DOCK1: variants seen among roughly 807,000 people sequenced by gnomAD.
The protein encoded by DOCK1 is dedicator of cytokinesis 1.
In DOCK1, 138 loss-of-function variants were observed where a neutral mutation model predicts 262.7. That is an observed-to-expected ratio of 0.53 (90% CI 0.46 to 0.61). The LOEUF (loss-of-function observed/expected upper bound fraction) is 0.61. DOCK1 is among the 20% of genes least tolerant of loss of function. The probability of loss-of-function intolerance (pLI) is 0.00; values close to 1 mark genes in which losing one functional copy is unlikely to be tolerated. For missense variants in DOCK1, 1,908 were observed against 2,370.7 expected, an observed-to-expected ratio of 0.80 and a Z score of 4.05; for synonymous variants, 866 against 867.4, an observed-to-expected ratio of 1.00 and a Z score of 0.03.
rs146246277 is a variant in DOCK1, at chr10:127,351,697, G to A, written c.3225-2972G>A. Among the ~76,000 whole-genome samples the A allele has an allele frequency of 2.0e-3, 300 of 152,204 alleles. 1 individual carries two copies. Among genetic ancestry groups the A allele is most frequent in the African/African-American group, 7.1e-3 (295 of 41,516 alleles). On this transcript the variant is annotated intron_variant, in intron 31 of 51. Coordinates refer to ENST00000623213, the MANE Select transcript of DOCK1 (RefSeq NM_001290223.2). ...AGGCAATAAGCTTTATTAGCCCTACGCTCTCAATTATCCTTTTTTCCTCCT... is the reference window on the plus strand; with the variant it reads ...AGGCAATAAGCTTTATTAGCCCTACACTCTCAATTATCCTTTTTTCCTCCT...
chr10:127,229,245 A>G (rs958400168), intron 27 of DOCK1, among the ~76,000 whole-genome samples: 2 of 151,994 alleles, frequency 1.3e-5, no homozygotes, highest in Non-Finnish European at 2.9e-5. Context: ...AAACCAACCA[A>G]CCAAACAAAC....
Position 127,384,790 on chromosome 10 carries a change from T to C in DOCK1, c.3808T>C (p.Trp1270Arg), listed in dbSNP as rs1299687177. 1 of 1,573,434 alleles carries C rather than the reference T, an allele frequency of 6.4e-7. No homozygotes were observed. The highest frequency in any genetic ancestry group is 8.6e-7 in the Non-Finnish European group (1 of 1,164,968). Reference protein sequence around the residue: ...TLLLHAKLLKWSEDVCVAHLT... With the variant: ...TLLLHAKLLKRSEDVCVAHLT... The stretch of plus-strand genomic sequence containing the variant: ...CGCTCATGCTATGCTTCTCCCTTAG[T>C]GGTCGGAGGATGTGTGTGTGGCCCA... Residue 1270 changes from tryptophan to arginine, a missense_variant and splice_region_variant, in exon 38 of 52, where the codon TGG becomes CGG. Transcript: ENST00000623213.
Position 127,409,068 on chromosome 10 carries a change from A to G in DOCK1, c.4154A>G (p.Tyr1385Cys). ...GTTTTCATTTACCGAGGGAAAGAGT[A>G]TGAGCGCCGGGAAGATTTTGAGGCT... is the stretch of plus-strand genomic sequence containing the variant. Reference protein sequence around the residue: ...GKVFIYRGKEYERREDFEARL... With the variant: ...GKVFIYRGKECERREDFEARL... The change falls in exon 41 of 52, where the codon TAT becomes TGT. Residue 1385 changes from tyrosine to cysteine, a missense_variant. Tyr to Cys is a radical substitution (Grantham distance 194, BLOSUM62 -2). Around this residue, in one of 9 missense-constraint regions of DOCK1, gnomAD observed 267 missense variants for 366.3 expected, o/e 0.73. Transcript: ENST00000623213. 1.9e-6 allele frequency: 3 copies of G among 1,593,350 alleles called. No homozygotes were observed. The highest frequency in any genetic ancestry group is 2.6e-6 in the Non-Finnish European group (3 of 1,168,806).
chr10:127,050,822 G>A (rs1450815278), intron 21 of DOCK1, among the ~76,000 whole-genome samples: 1 of 151,918 alleles, frequency 6.6e-6, no homozygotes, highest in Non-Finnish European at 1.5e-5. Flanking sequence ...TAATGAAGTT[G>A]ATTAATATAT....
At chr10:127,387,078 G>A (rs895668968) in intron 38 of DOCK1, among the ~76,000 whole-genome samples, 4 of 152,198 alleles carry the variant, frequency 2.6e-5, no homozygotes, top group Non-Finnish European at 4.4e-5. Context: ...GGGTGGCCGG[G>A]AGGCCCGAGG....
In DOCK1 at chr10:127,024,704, C is replaced by T. The variant is rs374761788; in HGVS notation, c.1472C>T (p.Ala491Val). The change falls in exon 15 of 52, where the codon GCT (alanine) becomes GTT (valine). Residue 491 changes from alanine (A) to valine (V), a missense_variant. Ala to Val is a moderately conservative substitution (Grantham distance 64). Transcript: ENST00000623213. Reference protein sequence around the residue: ...KRLEHVIFPGAGDEAISEYKS... With the variant: ...KRLEHVIFPGVGDEAISEYKS... ...TTAAAGCATGTGATTTTCCCGGGTGCTGGTGATGAAGCGATTTCAGAGTAC... is the reference window on the plus strand; with the variant it reads ...TTAAAGCATGTGATTTTCCCGGGTGTTGGTGATGAAGCGATTTCAGAGTAC... 1.2e-5 allele frequency: 19 copies of T among 1,611,578 alleles called. No individual in the cohort carries two copies. The highest frequency in any genetic ancestry group is 5.3e-5 in the African/African-American group (4 of 74,860).
At chr10:127,060,982 A>C (rs1727916920) in intron 22 of DOCK1, among the ~76,000 whole-genome samples, 1 of 152,208 alleles carries the variant, frequency 6.6e-6, no homozygotes, top group African/African-American at 2.4e-5. Context: ...TAATCCCAGC[A>C]CTTTGGGAGG....
In DOCK1 at chr10:126,977,989, G is replaced by C. The variant is rs1565024344; in HGVS notation, c.171+1G>C. 6.2e-7 allele frequency: 1 copy of C among 1,613,670 alleles called. No individual in the cohort carries two copies. Among genetic ancestry groups the C allele is most frequent in the Non-Finnish European group, 8.5e-7 (1 of 1,179,788 alleles). Reference sequence around the variant, plus strand: ...CACGTTACGAAAAAAGTCTAAGAAGGTAAGTCCTTCTTCTTAAACACAGTG... The same window carrying C: ...CACGTTACGAAAAAAGTCTAAGAAGCTAAGTCCTTCTTCTTAAACACAGTG... On this transcript the variant is annotated splice_donor_variant, in intron 3 of 51. Coordinates refer to ENST00000623213, the MANE Select transcript of DOCK1 (RefSeq NM_001290223.2). LOFTEE classifies it high-confidence loss of function.
intron 47 of DOCK1, among the ~76,000 whole-genome samples, chr10:127,429,036 G>GATGCC (rs1398352759): frequency 7.0e-6 from 1 of 142,384 alleles, no homozygotes. Context: ...TGTGGATTGG[G>GATGCC]GTGTCATGTG....
Position 127,256,560 on chromosome 10 carries a change from G to A in DOCK1, c.2950-775G>A, listed in dbSNP as rs574536416. ...CACTTGTTTTGTTCAGGTTAGCTCA[G>A]AGCACCTGTCAAGCTCTGGAAAGTA... On this transcript the variant is annotated intron_variant, in intron 28 of 51. Transcript: ENST00000623213. Among the ~76,000 whole-genome samples, 7 of 152,210 alleles carry A rather than the reference G, an allele frequency of 4.6e-5. No homozygotes were observed. In the East Asian group the frequency reaches 1.2e-3, roughly 25 times the overall value.
intron 4 of DOCK1, among the ~76,000 whole-genome samples, chr10:126,985,446 T>A (rs1406874858): frequency 2.0e-5 from 3 of 152,140 alleles, no homozygotes; most frequent in Non-Finnish European, 4.4e-5. Context: ...TAATGCCAGC[T>A]GGCACATTAA....
At chr10:127,376,604 G>A (rs1025022818) in intron 35 of DOCK1, among the ~76,000 whole-genome samples, 1 of 152,202 alleles carries the variant, frequency 6.6e-6, no homozygotes, top group Non-Finnish European at 1.5e-5. Flanking sequence ...TGTGATTGAC[G>A]TGAAATAGGA....
intron 40 of DOCK1, among the ~76,000 whole-genome samples, chr10:127,408,497 C>T (rs988863461): frequency 4.6e-5 from 7 of 152,226 alleles, no homozygotes; most frequent in African/African-American, 1.2e-4. Flanking sequence ...GGGTTCTGCT[C>T]GCCTCGGCTG....
chr10:127,409,065 A>C lies in DOCK1; in HGVS notation c.4151A>C (p.Glu1384Ala). 6.3e-7 allele frequency: 1 copy of C among 1,592,378 alleles called. No individual in the cohort carries two copies. Among genetic ancestry groups the C allele is most frequent in the Non-Finnish European group, 8.6e-7 (1 of 1,168,286 alleles). Residue 1384 changes from glutamate to alanine, a missense_variant, in exon 41 of 52, where the codon GAG becomes GCG. This residue lies in a region of DOCK1 where 267 missense variants were observed against 366.3 expected (regional missense o/e 0.73). Transcript: ENST00000623213. ...RGKVFIYRGK[E>A]YERREDFEAR... ...AAAGTTTTCATTTACCGAGGGAAAGAGTATGAGCGCCGGGAAGATTTTGAG... is the reference window on the plus strand; with the variant it reads ...AAAGTTTTCATTTACCGAGGGAAAGCGTATGAGCGCCGGGAAGATTTTGAG...
At chr10:127,088,770 A>G (rs533701424) in intron 23 of DOCK1, among the ~76,000 whole-genome samples, 1 of 152,250 alleles carries the variant, frequency 6.6e-6, no homozygotes, top group East Asian at 1.9e-4. Context: ...TTAGAATCCC[A>G]TGGTTGCCAG....
At chr10:126,960,723 A>AATATATATATATATATATAT (rs1159655828) in intron 1 of DOCK1, among the ~76,000 whole-genome samples, 14 of 134,642 alleles carry the variant, frequency 1.0e-4, no homozygotes, top group Non-Finnish European at 1.3e-4. Flanking sequence ...CCTACCCTCA[A>AATATATATATATATATATAT]ATATATATAT....
At chr10:126,963,970 G>C (rs1376274224) in intron 1 of DOCK1, among the ~76,000 whole-genome samples, 1 of 152,080 alleles carries the variant, frequency 6.6e-6, no homozygotes, top group African/African-American at 2.4e-5. Context: ...TGAAGATAGA[G>C]TTTAGGAAAC....
intron 27 of DOCK1, among the ~76,000 whole-genome samples, chr10:127,187,644 G>T (rs1387914039): frequency 6.6e-6 from 1 of 152,008 alleles, no homozygotes; most frequent in African/African-American, 2.4e-5. Context: ...TTCCTTAAGG[G>T]CTCTATTCCC....
chr10:127,128,511 G>A (rs1197326408), intron 27 of DOCK1, among the ~76,000 whole-genome samples: 2 of 151,770 alleles, frequency 1.3e-5, no homozygotes, highest in Non-Finnish European at 2.9e-5. Flanking sequence ...GCATGCATTC[G>A]GTATTTGTCC....
Sources: allele counts gnomAD v4.1 joint callset (sites outside exome capture counted in the v4.1 genomes callset), GRCh38; gene constraint gnomAD v4.1.1; regional missense constraint gnomAD v4.1.1; transcripts MANE v1.5; gene names NCBI Gene and HGNC (gene_info 2026-07-23, HGNC 2026-07-21).